Variants in ARL8B observed in about 807,000 individuals in gnomAD.
ARL8B encodes ARF like GTPase 8B, also known as ADP-ribosylation factor-like protein 8B.
Under a neutral mutation model 30.6 loss-of-function variants are expected in ARL8B, and 9 were observed. That is an observed-to-expected ratio of 0.29 (90% confidence interval 0.18 to 0.51). The LOEUF is 0.51. Ranked by LOEUF, ARL8B falls within the 20% of genes least tolerant of loss-of-function variation. ARL8B has a pLI of 0.97. For synonymous variants in ARL8B, 74 were observed against 76.0 expected (o/e 0.97, Z 0.14); for missense variants, 130 against 227.2 (o/e 0.57, Z 2.75).
intron 1 of ARL8B, among the ~76,000 whole-genome samples, chr3:5,138,825 G>A (rs1173518806): frequency 6.6e-6 from 1 of 152,156 alleles, no homozygotes; most frequent in African/African-American, 2.4e-5. Context: ...GTTTCACTGT[G>A]AAACAATGTC....
At chr3:5,169,327 G>A (rs1575573963) in intron 1 of ARL8B, among the ~76,000 whole-genome samples, 1 of 151,966 alleles carries the variant, frequency 6.6e-6, no homozygotes, top group Non-Finnish European at 1.5e-5. Context: ...GTGTGTGTGT[G>A]TGTGTGTGTG....
At chr3:5,152,913 T>C (rs1390004306) in intron 1 of ARL8B, among the ~76,000 whole-genome samples, 3 of 152,252 alleles carry the variant, frequency 2.0e-5, no homozygotes, top group African/African-American at 7.2e-5. Flanking sequence ...TATTTAAGAC[T>C]TAGTTTAAAC....
At chr3:5,148,975 C>T (rs1433043965) in intron 1 of ARL8B, among the ~76,000 whole-genome samples, 1 of 152,210 alleles carries the variant, frequency 6.6e-6, no homozygotes, top group African/African-American at 2.4e-5. Flanking sequence ...GAGCTTTCTT[C>T]CCTGTGTACT....
At chr3:5,172,874 C>T (rs2054688234) in intron 4 of ARL8B, 134 bp downstream of exon 4, 4 of 615,680 alleles carry the variant, frequency 6.5e-6, no homozygotes, top group South Asian at 4.2e-5. Context: ...ACTTGCTTAC[C>T]ATGTATCTGC....
intron 1 of ARL8B, among the ~76,000 whole-genome samples, chr3:5,159,168 T>C (rs1311179467): frequency 6.6e-6 from 1 of 151,658 alleles, no homozygotes; most frequent in Non-Finnish European, 1.5e-5. Flanking sequence ...GACGTGGTAG[T>C]GTGTGCCTGT....
At chr3:5,169,028 C>T (rs2054647091) in intron 1 of ARL8B, among the ~76,000 whole-genome samples, 1 of 152,140 alleles carries the variant, frequency 6.6e-6, no homozygotes, top group African/African-American at 2.4e-5. Context: ...ACTACCTGTT[C>T]TATGAAATGA....
At chr3:5,155,793 A>G (rs994928378) in intron 1 of ARL8B, among the ~76,000 whole-genome samples, 9 of 131,602 alleles carry the variant, frequency 6.8e-5, no homozygotes, top group South Asian at 4.8e-4. Context: ...CTACCTCTTT[A>G]TTGGTATTTC....
chr3:5,171,713 C>T (rs1055587593), intron 2 of ARL8B, among the ~76,000 whole-genome samples: 13 of 152,318 alleles, frequency 8.5e-5, no homozygotes, highest in South Asian at 4.1e-4. Context: ...AGGATAATTT[C>T]AAAAGGTTAG....
chr3:5,131,419 C>G (rs955134466), intron 1 of ARL8B, among the ~76,000 whole-genome samples: 1 of 150,484 alleles, frequency 6.6e-6, no homozygotes, highest in Non-Finnish European at 1.5e-5. Context: ...GAGACAGAGT[C>G]TCACTCTGTC....
intron 1 of ARL8B, among the ~76,000 whole-genome samples, chr3:5,141,171 T>TA (rs758695608): frequency 2.0e-5 from 3 of 152,234 alleles, no homozygotes; most frequent in Non-Finnish European, 2.9e-5. Context: ...TCTGTTCACT[T>TA]ATCATGACCT....
At position 5,166,250 on chromosome 3, in the gene ARL8B, A is replaced by G. The variant is rs542358352; in HGVS notation, c.124-4253A>G. Among the ~76,000 whole-genome samples the G allele has an allele frequency of 3.2e-3, 478 of 151,618 alleles. 3 individuals are homozygous for G. Among genetic ancestry groups the G allele is most frequent in the African/African-American group, 0.011 (465 of 41,320 alleles). ...AGACGGGGTTTCACTATGTTGGCCC[A>G]GGTGGTCTTGATTTCTTGACCTCGT... On this transcript the variant is annotated intron_variant, in intron 1 of 6. Transcript: ENST00000256496.
At chr3:5,128,198 G>C (rs1023466805) in intron 1 of ARL8B, among the ~76,000 whole-genome samples, 7 of 147,376 alleles carry the variant, frequency 4.7e-5, no homozygotes, top group African/African-American at 1.7e-4. Context: ...AAATAATTTT[G>C]TATTTGATTG....
rs371821055 is a variant in ARL8B, at chr3:5,174,340, A to G, written c.441-4A>G. ...CAGACTTATCCTTTTAATTCTTCTC[A>G]TAGGAATCTGTCTGCTATTCAGGAT... On this transcript the variant is annotated splice_polypyrimidine_tract_variant and splice_region_variant and intron_variant, in intron 5 of 6. Coordinates refer to ENST00000256496, the MANE Select transcript of ARL8B (RefSeq NM_018184.3). 7.4e-5 allele frequency: 118 copies of G among 1,593,576 alleles called. 3 individuals are homozygous for G. The African/African-American group carries it at 1.3e-3, about 18-fold the overall frequency.
At chr3:5,139,150 A>G (rs2054351542) in intron 1 of ARL8B, among the ~76,000 whole-genome samples, 1 of 152,200 alleles carries the variant, frequency 6.6e-6, no homozygotes, top group Admixed American at 6.5e-5. Context: ...TGATACTATT[A>G]GTTTGGGAGA....
chr3:5,173,204 A>C (rs142138437), intron 4 of ARL8B, among the ~76,000 whole-genome samples: 4 of 152,324 alleles, frequency 2.6e-5, no homozygotes, highest in Non-Finnish European at 5.9e-5. Context: ...TCCAAGGGAT[A>C]CATACAAATG....
chr3:5,127,901 A>AAAC (rs1559274157), intron 1 of ARL8B, among the ~76,000 whole-genome samples: 2 of 144,172 alleles, frequency 1.4e-5, no homozygotes, highest in South Asian at 2.3e-4. Flanking sequence ...AAAAAAAAAA[A>AAAC]GCGGAGGGCC....
At chr3:5,125,605 T>C (rs911447612) in intron 1 of ARL8B, among the ~76,000 whole-genome samples, 2 of 151,720 alleles carry the variant, frequency 1.3e-5, no homozygotes, top group African/African-American at 4.9e-5. Context: ...TGATCTTGGC[T>C]CACTGCAACC....
chr3:5,170,870 A>G (rs1328535542), intron 2 of ARL8B: 3 of 241,284 alleles, frequency 1.2e-5, no homozygotes, highest in East Asian at 2.2e-4. Context: ...AGCTAAGATG[A>G]CAGGCTTGTG....
chr3:5,174,454 TTGGAAGGAA>T (rs769313384), intron 6 of ARL8B, 40 bp downstream of exon 6: 44 of 1,269,998 alleles, frequency 3.5e-5, no homozygotes, highest in Non-Finnish European at 4.6e-5. Flanking sequence ...ATGGGTATCA[TTGGAAGGAA>T]TGTCTATGCT....
Sources: gnomAD v4.1 joint callset for allele counts (sites outside exome capture counted in the v4.1 genomes callset) on GRCh38, gnomAD v4.1.1 for gene constraint, MANE v1.5 for transcripts, NCBI Gene and HGNC (gene_info 2026-07-23, HGNC 2026-07-21) for gene names.